The following PRKCA variants were observed in gnomAD, a reference collection of about 807,000 sequenced individuals.
PRKCA encodes protein kinase C alpha, also known as protein kinase C alpha type.
In PRKCA, 27 loss-of-function variants were observed where a neutral mutation model predicts 87.0. The observed-to-expected ratio is 0.31, with a 90% CI of 0.23 to 0.43. The LOEUF is 0.43. Ranked by LOEUF, PRKCA falls within the 20% of genes least tolerant of loss-of-function variation. The pLI, the probability that PRKCA is intolerant of heterozygous loss-of-function variation, is 1.00. For missense variants in PRKCA, 518 were observed against 852.3 expected (o/e 0.61, Z 4.88); for synonymous variants, 329 against 311.1 (o/e 1.06, Z -0.61).
At chr17:66,384,790 G>A (rs961089119) in intron 2 of PRKCA, among the ~76,000 whole-genome samples, 1 of 151,998 alleles carries the variant, frequency 6.6e-6, no homozygotes, top group Non-Finnish European at 1.5e-5. Context: ...CACCACACCT[G>A]GCTAATTTTT....
At chr17:66,627,325 A>G (rs905273289) in intron 3 of PRKCA, among the ~76,000 whole-genome samples, 11 of 152,154 alleles carry the variant, frequency 7.2e-5, no homozygotes, top group Admixed American at 2.0e-4. Context: ...GAATGTATCA[A>G]TGAGTACTAT....
intron 13 of PRKCA, among the ~76,000 whole-genome samples, chr17:66,759,320 C>T (rs1278858199): frequency 6.6e-6 from 1 of 151,112 alleles, no homozygotes; most frequent in East Asian, 1.9e-4. Context: ...GGCGCCACTG[C>T]ACTCCAGCCT....
At chr17:66,685,152 C>T (rs2144022483) in intron 5 of PRKCA, among the ~76,000 whole-genome samples, 1 of 152,240 alleles carries the variant, frequency 6.6e-6, no homozygotes, top group South Asian at 2.1e-4. Context: ...AGTGAGCACT[C>T]ACACCATGGA....
At chr17:66,530,241 G>A (rs537568221) in intron 3 of PRKCA, among the ~76,000 whole-genome samples, 1 of 152,272 alleles carries the variant, frequency 6.6e-6, no homozygotes, top group South Asian at 2.1e-4. Flanking sequence ...TTTGGTTTGA[G>A]CGACGGAAGG....
chr17:66,437,731 T>TTTTTTTTTTTTTGGGG (rs55779501), intron 2 of PRKCA, among the ~76,000 whole-genome samples: 6 of 11,142 alleles, frequency 5.4e-4, no homozygotes, highest in African/African-American at 7.9e-4. Context: ...TTTTTTTTTT[T>TTTTTTTTTTTTTGGGG]GAGCGGGGGG....
intron 3 of PRKCA, among the ~76,000 whole-genome samples, chr17:66,555,212 ATCT>A (rs1968459547): frequency 6.6e-6 from 1 of 152,182 alleles, no homozygotes; most frequent in Non-Finnish European, 1.5e-5. Flanking sequence ...CAGGTATCGT[ATCT>A]TTCTGTGCAG....
chr17:66,775,419 C>G (rs1327642958), intron 14 of PRKCA: 1 of 985,012 alleles, frequency 1.0e-6, no homozygotes, highest in African/African-American at 1.7e-5. Context: ...CCACTTGGCC[C>G]CAGTGGGACA....
chr17:66,461,008 C>A (rs919785728), intron 2 of PRKCA, among the ~76,000 whole-genome samples: 1 of 151,962 alleles, frequency 6.6e-6, no homozygotes, highest in African/African-American at 2.4e-5. Context: ...GAGTTGGAGA[C>A]CAGCCTGGGC....
chr17:66,559,569 A>T (rs537677663), intron 3 of PRKCA, among the ~76,000 whole-genome samples: 3 of 150,788 alleles, frequency 2.0e-5, no homozygotes, highest in Non-Finnish European at 2.9e-5. Context: ...TGAGTTATTC[A>T]TACAAAGACA....
At chr17:66,675,381 T>G (rs1327617540) in intron 5 of PRKCA, among the ~76,000 whole-genome samples, 1 of 152,008 alleles carries the variant, frequency 6.6e-6, no homozygotes, top group Non-Finnish European at 1.5e-5. Context: ...CAAACACAAA[T>G]TGGGGGCAGG....
chr17:66,655,859 C>G (rs1044031035), intron 5 of PRKCA, among the ~76,000 whole-genome samples: 1 of 100,080 alleles, frequency 1.0e-5, no homozygotes, highest in Non-Finnish European at 2.0e-5. Flanking sequence ...ATTCATAAAG[C>G]CACATGGCTC....
intron 2 of PRKCA, among the ~76,000 whole-genome samples, chr17:66,358,412 T>G (rs1396922523): frequency 6.6e-6 from 1 of 152,130 alleles, no homozygotes; most frequent in Non-Finnish European, 1.5e-5. Context: ...GAGATGAGAT[T>G]TGTTCATATT....
In PRKCA at chr17:66,713,663, C is replaced by G. The variant is rs142666451; in HGVS notation, c.919-19025C>G. ...CGCATGTTGGAAATTCACCCTGACC[C>G]AGGCAGTGATAATAGCGTGCCACCG... On this transcript the variant is annotated intron_variant, in intron 8 of 16. Transcript: ENST00000413366. Among the ~76,000 whole-genome samples the G allele has an allele frequency of 3.4e-4, 52 of 152,322 alleles. No individual in the cohort carries two copies. In the East Asian group the frequency reaches 9.8e-3, roughly 29 times the overall value.
chr17:66,715,963 CTG>C (rs1315814614), intron 8 of PRKCA, among the ~76,000 whole-genome samples: 2 of 152,210 alleles, frequency 1.3e-5, no homozygotes, highest in Non-Finnish European at 2.9e-5. Context: ...CAGCAATCAA[CTG>C]TTGCCTGGAT....
intron 8 of PRKCA, among the ~76,000 whole-genome samples, chr17:66,695,850 A>G (rs1972905558): frequency 6.6e-6 from 1 of 152,230 alleles, no homozygotes; most frequent in Non-Finnish European, 1.5e-5. Context: ...GCTGATGGAT[A>G]ATATATCACA....
intron 2 of PRKCA, among the ~76,000 whole-genome samples, chr17:66,324,660 G>C (rs1905872967): frequency 6.6e-6 from 1 of 152,064 alleles, no homozygotes. Flanking sequence ...AAAAATTTGA[G>C]AGACTTTCCA....
intron 12 of PRKCA, 42 bp downstream of exon 12, chr17:66,741,763 T>C: frequency 6.3e-7 from 1 of 1,586,986 alleles, no homozygotes; most frequent in Non-Finnish European, 8.6e-7. Context: ...AGCAGAGAGG[T>C]TAGCTGGGCC....
At chr17:66,661,030 T>C (rs1327388216) in intron 5 of PRKCA, among the ~76,000 whole-genome samples, 1 of 152,188 alleles carries the variant, frequency 6.6e-6, no homozygotes, top group East Asian at 1.9e-4. Flanking sequence ...CTTGGAGCCA[T>C]AAGAATACTG....
intron 3 of PRKCA, among the ~76,000 whole-genome samples, chr17:66,567,701 GCT>G: frequency 6.6e-6 from 1 of 152,310 alleles, no homozygotes; most frequent in Admixed American, 6.5e-5. Flanking sequence ...TCACAAAGAG[GCT>G]GAAAATTCCA....
Sources: gnomAD v4.1 joint callset for allele counts (sites outside exome capture counted in the v4.1 genomes callset) on GRCh38, gnomAD v4.1.1 for gene constraint, MANE v1.5 for transcripts, NCBI Gene and HGNC (gene_info 2026-07-23, HGNC 2026-07-21) for gene names.